The following GALNT7 variants were observed in gnomAD, a reference collection of about 807,000 sequenced individuals.
GALNT7 encodes polypeptide N-acetylgalactosaminyltransferase 7.
A neutral mutation model predicts 82.1 loss-of-function variants in GALNT7; 60 were observed. The ratio of observed to expected loss-of-function variants is 0.73; its 90% CI spans 0.59 to 0.91. The LOEUF is 0.91. GALNT7 is among the 40% of genes least tolerant of loss of function. GALNT7 has a pLI of 0.00. For synonymous variants in GALNT7, 243 were observed against 275.1 expected (o/e 0.88, Z 1.15); for missense variants, 660 against 804.2 (o/e 0.82, Z 2.17).
chr4:173,279,642 T>A (rs920500195), intron 2 of GALNT7, among the ~76,000 whole-genome samples: 1 of 152,122 alleles, frequency 6.6e-6, no homozygotes, highest in African/African-American at 2.4e-5. Context: ...AAAAGAGGTT[T>A]TAGATGAAAG....
intron 2 of GALNT7, among the ~76,000 whole-genome samples, chr4:173,290,533 G>A (rs1413701028): frequency 1.3e-5 from 2 of 152,106 alleles, no homozygotes; most frequent in Admixed American, 6.6e-5. Flanking sequence ...CTCAGAAAAG[G>A]GAAGTAGAAG....
intron 1 of GALNT7, among the ~76,000 whole-genome samples, chr4:173,234,077 A>G (rs181243440): frequency 1.6e-3 from 240 of 152,240 alleles, no homozygotes; most frequent in African/African-American, 5.2e-3. Flanking sequence ...ACCAAATGCA[A>G]TCCTCATCTT....
chr4:173,319,487 G>C (rs1737723916), intron 11 of GALNT7, among the ~76,000 whole-genome samples: 1 of 151,702 alleles, frequency 6.6e-6, no homozygotes, highest in Admixed American at 6.6e-5. Context: ...GGAAGGAGAA[G>C]AATAGCATAA....
chr4:173,321,743 A>G lies in GALNT7; in HGVS notation c.*26A>G. 1 of 1,532,634 alleles carries G rather than the reference A, an allele frequency of 6.5e-7. No homozygotes were observed. The allele number at this position is 1,532,634 out of a possible 1,614,324, so 94.9% of individuals were successfully genotyped here. A position where few individuals can be genotyped will look rare whatever the true frequency, so the allele number is the denominator to read the frequency against. On this transcript the variant is annotated 3_prime_UTR_variant, in exon 12 of 12. Coordinates refer to ENST00000265000, the MANE Select transcript of GALNT7 (RefSeq NM_017423.3). ...AGAGAAAAAAATAAACCAATAACCT[A>G]CCTACTGACAAGTAAATTTATACAG...
At chr4:173,270,334 G>T (rs563297442) in intron 2 of GALNT7, among the ~76,000 whole-genome samples, 4 of 152,172 alleles carry the variant, frequency 2.6e-5, no homozygotes, top group African/African-American at 7.2e-5. Flanking sequence ...CAGTCAAATT[G>T]CTCCTATGAA....
At chr4:173,282,218 T>C (rs73001544) in intron 2 of GALNT7, among the ~76,000 whole-genome samples, 1 of 152,134 alleles carries the variant, frequency 6.6e-6, no homozygotes, top group South Asian at 2.1e-4. Flanking sequence ...CACTTCTCTT[T>C]TCTGTATAAC....
intron 6 of GALNT7, among the ~76,000 whole-genome samples, chr4:173,299,621 C>T (rs574410807): frequency 7.7e-4 from 117 of 152,110 alleles, no homozygotes; most frequent in African/African-American, 2.7e-3. Flanking sequence ...CCGAGGCAGG[C>T]GGATCACCAG....
chr4:173,230,928 A>C (rs977630825), intron 1 of GALNT7, among the ~76,000 whole-genome samples: 5 of 152,198 alleles, frequency 3.3e-5, no homozygotes, highest in African/African-American at 1.2e-4. Flanking sequence ...CAGCAAAGCT[A>C]TAGGAATAGG....
intron 2 of GALNT7, among the ~76,000 whole-genome samples, chr4:173,271,197 T>G (rs1432840362): frequency 6.6e-6 from 1 of 152,228 alleles, no homozygotes; most frequent in Non-Finnish European, 1.5e-5. Context: ...GGGGAAAGCT[T>G]TAATGTATTA....
intron 1 of GALNT7, among the ~76,000 whole-genome samples, chr4:173,225,677 C>T (rs1733803043): frequency 2.0e-5 from 3 of 152,212 alleles, no homozygotes; most frequent in Non-Finnish European, 4.4e-5. Context: ...ATGTACTCTG[C>T]TTAATGAGCT....
chr4:173,274,921 C>A (rs1735846946), intron 2 of GALNT7, among the ~76,000 whole-genome samples: 1 of 152,202 alleles, frequency 6.6e-6, no homozygotes, highest in African/African-American at 2.4e-5. Context: ...TGGCTCACTG[C>A]TGTCGTCTCC....
At chr4:173,266,703 A>G (rs1434602071) in intron 2 of GALNT7, among the ~76,000 whole-genome samples, 1 of 152,210 alleles carries the variant, frequency 6.6e-6, no homozygotes, top group Non-Finnish European at 1.5e-5. Flanking sequence ...TAAAAATAAT[A>G]AAATCCTGCC....
intron 1 of GALNT7, among the ~76,000 whole-genome samples, chr4:173,211,607 T>C (rs1733287594): frequency 1.3e-5 from 2 of 152,242 alleles, no homozygotes; most frequent in Non-Finnish European, 2.9e-5. Flanking sequence ...AGTTACTCTT[T>C]AGATTATCAG....
chr4:173,194,270 G>T (rs1732709049), intron 1 of GALNT7, among the ~76,000 whole-genome samples: 1 of 152,172 alleles, frequency 6.6e-6, no homozygotes, highest in Non-Finnish European at 1.5e-5. Flanking sequence ...CATTTATACA[G>T]AGGCATTCTT....
intron 2 of GALNT7, among the ~76,000 whole-genome samples, chr4:173,266,009 GCACC>G (rs541739039): frequency 1.0e-3 from 159 of 152,234 alleles, no homozygotes; most frequent in African/African-American, 3.7e-3. Flanking sequence ...TGTAATCCCA[GCACC>G]TTGGAAGGAT....
chr4:173,210,149 A>G (rs1317259496), intron 1 of GALNT7, among the ~76,000 whole-genome samples: 3 of 152,152 alleles, frequency 2.0e-5, no homozygotes, highest in Admixed American at 2.0e-4. Flanking sequence ...AAGAAAAAAA[A>G]AAAAAGAAAT....
chr4:173,214,302 A>C (rs1030811466), intron 1 of GALNT7, among the ~76,000 whole-genome samples: 36 of 151,658 alleles, frequency 2.4e-4, no homozygotes, highest in African/African-American at 8.2e-4. Context: ...AAAAAAAAAA[A>C]CCCTTAAGAG....
At chr4:173,182,474 A>C (rs1279790581) in intron 1 of GALNT7, among the ~76,000 whole-genome samples, 1 of 152,144 alleles carries the variant, frequency 6.6e-6, no homozygotes, top group Non-Finnish European at 1.5e-5. Flanking sequence ...GAGGCCTGGA[A>C]TTTGAGTGAT....
At chr4:173,173,683 C>T (rs76342102) in intron 1 of GALNT7, among the ~76,000 whole-genome samples, 2 of 152,052 alleles carry the variant, frequency 1.3e-5, no homozygotes, top group Non-Finnish European at 1.5e-5. Context: ...GTTGGGGACC[C>T]CTGCATTAAA....
Sources: gnomAD v4.1 joint callset for allele counts (sites outside exome capture counted in the v4.1 genomes callset) on GRCh38, gnomAD v4.1.1 for gene constraint, MANE v1.5 for transcripts, NCBI Gene and HGNC (gene_info 2026-07-23, HGNC 2026-07-21) for gene names.